The following MAP3K15 variants were observed in gnomAD, a reference collection of about 807,000 sequenced individuals.
MAP3K15 encodes mitogen-activated protein kinase kinase kinase 15, also known as MAPK/ERK kinase kinase 15.
Under a neutral mutation model 99.5 loss-of-function variants are expected in MAP3K15, and 124 were observed. The observed-to-expected ratio is 1.25, with a 90% CI of 1.08 to 1.45. MAP3K15 has a LOEUF of 1.45. MAP3K15 is among the 40% of genes most tolerant of loss of function. The pLI is 0.00. For synonymous variants in MAP3K15, 494 were observed against 439.6 expected (o/e 1.12, Z -1.55); for missense variants, 1,242 against 1,079.7 (o/e 1.15, Z -2.11).
At chrX:19,413,685 G>T (rs867146911) in intron 10 of MAP3K15, among the ~76,000 whole-genome samples, 5 of 56,924 alleles carry the variant, frequency 8.8e-5, no homozygotes, top group Non-Finnish European at 1.2e-4. Flanking sequence ...CTTGGGGGGG[G>T]GGGTGGGGAA....
intron 1 of MAP3K15, among the ~76,000 whole-genome samples, chrX:19,508,403 C>T (rs917573361): frequency 2.7e-4 from 30 of 112,027 alleles, no homozygotes; most frequent in Non-Finnish European, 7.5e-5. Flanking sequence ...AACTCTTGAG[C>T]TCAGGTGATC....
At chrX:19,374,327 C>T in intron 20 of MAP3K15, 150 bp downstream of exon 20, 1 of 487,452 alleles carries the variant, frequency 2.1e-6, no homozygotes, top group Non-Finnish European at 3.4e-6. Context: ...ACCTACTGCA[C>T]AGGCCCCGTC....
chrX:19,384,749 GAAAAAAAAAAAAA>G (rs34619145), intron 18 of MAP3K15, among the ~76,000 whole-genome samples: 45 of 22,553 alleles, frequency 2.0e-3, no homozygotes, highest in East Asian at 2.8e-3. Context: ...TGTCTCAGGG[GAAAAAAAAAAAAA>G]AAAAAAAAAA....
intron 11 of MAP3K15, among the ~76,000 whole-genome samples, chrX:19,410,407 G>A (rs2063678569): frequency 8.9e-6 from 1 of 111,998 alleles, no homozygotes; most frequent in African/African-American, 3.2e-5. Context: ...CCTGAACATA[G>A]AGCTGAACTA....
chrX:19,386,056 A>T (rs2063491994), intron 18 of MAP3K15, among the ~76,000 whole-genome samples: 1 of 112,227 alleles, frequency 8.9e-6, no homozygotes, highest in Admixed American at 9.5e-5. Context: ...TTGGGTGTGT[A>T]CATCAGCTAA....
At chrX:19,394,789 CTTTTTTTTTTTTT>C (rs144723219) in intron 16 of MAP3K15, among the ~76,000 whole-genome samples, 9 of 17,508 alleles carry the variant, frequency 5.1e-4, no homozygotes, top group Non-Finnish European at 1.1e-3. Flanking sequence ...GGGTCTGTTG[CTTTTTTTTTTTTT>C]TTTTTTTTTT....
rs1569233588 is a variant in MAP3K15 at position 19,464,201 on chromosome X, G to C, written c.719+12C>G. 1 of 1,183,372 alleles carries C rather than the reference G, an allele frequency of 8.5e-7. No individual in the cohort carries two copies. The highest frequency in any genetic ancestry group is 3.0e-5 in the East Asian group (1 of 33,572). ...GAGTCTCCAGGGGTTACTGGTGGCA[G>C]ATGGGAATTACCATGAGGTCACGTG... is the stretch of plus-strand genomic sequence containing the variant. On this transcript the variant is annotated intron_variant, in intron 4 of 28. Transcript: ENST00000338883.
intron 1 of MAP3K15, among the ~76,000 whole-genome samples, chrX:19,502,442 C>G (rs940442736): frequency 9.0e-6 from 1 of 111,312 alleles, no homozygotes; most frequent in African/African-American, 3.3e-5. Context: ...CCATGTAAGA[C>G]GTGCCTTGCC....
intron 18 of MAP3K15, among the ~76,000 whole-genome samples, chrX:19,381,712 G>A (rs1157937197): frequency 2.7e-5 from 3 of 112,445 alleles, no homozygotes; most frequent in African/African-American, 6.5e-5. Context: ...GCTCTTGTGG[G>A]AGACAGCACA....
chrX:19,493,265 G>A (rs1030074393), intron 1 of MAP3K15, among the ~76,000 whole-genome samples: 18 of 105,488 alleles, frequency 1.7e-4, no homozygotes, highest in African/African-American at 5.2e-4. Flanking sequence ...TCAACATTCT[G>A]TGCTGGGACC....
chrX:19,512,821 T>C (rs1005759596), intron 1 of MAP3K15, among the ~76,000 whole-genome samples: 1 of 111,181 alleles, frequency 9.0e-6, no homozygotes, highest in Non-Finnish European at 1.9e-5. Flanking sequence ...CGTATTCTAA[T>C]CAGTTTAACT....
chrX:19,489,878 A>C (rs1328761601), intron 1 of MAP3K15, among the ~76,000 whole-genome samples: 1 of 110,481 alleles, frequency 9.1e-6, no homozygotes, highest in Non-Finnish European at 1.9e-5. Context: ...TCTACTAAAA[A>C]TACAAAAATT....
rs2063356981 is a variant in MAP3K15, at chrX:19,369,201, T to C, written c.3419A>G (p.Glu1140Gly). ...TACCCCTTCAGTCTCACAGGTAGGC[T>C]CAAAGTGGGCTCGGAGCTCTGCAAA... ...ILIPELRAHF[E>G]PTCETEGVDK... Residue 1140 changes from glutamate to glycine, a missense_variant, in exon 25 of 29, where the codon GAG becomes GGG. Glu to Gly is a moderately conservative substitution (Grantham distance 98). Coordinates refer to ENST00000338883, the MANE Select transcript of MAP3K15 (RefSeq NM_001001671.4). 1.7e-6 allele frequency: 2 copies of C among 1,209,350 alleles called. No homozygotes were observed. The highest frequency in any genetic ancestry group is 4.4e-5 in the Admixed American group (2 of 45,677).
intron 19 of MAP3K15, among the ~76,000 whole-genome samples, chrX:19,377,652 T>C (rs1004987733): frequency 8.9e-6 from 1 of 112,062 alleles, no homozygotes; most frequent in African/African-American, 3.2e-5. Context: ...CCTTCAGCTC[T>C]CTCCCTGGTT....
intron 3 of MAP3K15, among the ~76,000 whole-genome samples, chrX:19,473,749 CA>C (rs11310803): frequency 0.026 from 2,845 of 111,525 alleles, 96 homozygotes; most frequent in African/African-American, 0.087. Context: ...TAGCAATTGC[CA>C]TTTCCAGAAC....
At chrX:19,504,284 C>T (rs775673216) in intron 1 of MAP3K15, among the ~76,000 whole-genome samples, 5 of 111,775 alleles carry the variant, frequency 4.5e-5, no homozygotes, top group African/African-American at 6.5e-5. Flanking sequence ...CTTTAATCCC[C>T]GATCTTCAAG....
intron 6 of MAP3K15, among the ~76,000 whole-genome samples, chrX:19,453,769 A>C (rs776885811): frequency 1.2e-4 from 13 of 112,336 alleles, no homozygotes; most frequent in South Asian, 3.7e-4. Flanking sequence ...ATGCATTAGA[A>C]AAGTGGGAAG....
chrX:19,382,815 C>G (rs1249015658), intron 18 of MAP3K15, among the ~76,000 whole-genome samples: 1 of 111,988 alleles, frequency 8.9e-6, no homozygotes, highest in African/African-American at 3.2e-5. Flanking sequence ...TGCCTTCTAA[C>G]GAATCCCTAA....
At chrX:19,432,874 G>A (rs1389082030) in intron 6 of MAP3K15, among the ~76,000 whole-genome samples, 2 of 110,121 alleles carry the variant, frequency 1.8e-5, no homozygotes, top group African/African-American at 3.3e-5. Context: ...GCACCACCAC[G>A]CCCAACTAAT....
Sources: gnomAD v4.1 joint callset for allele counts (sites outside exome capture counted in the v4.1 genomes callset) on GRCh38, gnomAD v4.1.1 for gene constraint, MANE v1.5 for transcripts, NCBI Gene and HGNC (gene_info 2026-07-23, HGNC 2026-07-21) for gene names.